The following KRI1 variants were observed in gnomAD, a reference collection of about 807,000 sequenced individuals.
The protein encoded by KRI1 is protein KRI1 homolog.
In KRI1, 83 loss-of-function variants were observed where a neutral mutation model predicts 97.0. That is an observed-to-expected ratio of 0.86 (90% confidence interval 0.72 to 1.03). The LOEUF (loss-of-function observed/expected upper bound fraction) is 1.03, where lower values mean the gene tolerates loss of function less well. Ranked by LOEUF, KRI1 falls within the 50% of genes least tolerant of loss-of-function variation. KRI1 has a pLI of 0.00. For synonymous variants in KRI1, 371 were observed against 363.5 expected, an observed-to-expected ratio of 1.02 and a Z score of -0.23; for missense variants, 916 against 928.4, an observed-to-expected ratio of 0.99 and a Z score of 0.17.
At chr19:10,565,401 G>A (rs1432550993) in intron 2 of KRI1, 4 of 515,536 alleles carry the variant, frequency 7.8e-6, no homozygotes, top group Non-Finnish European at 1.4e-5. Context: ...CGCCCCACGT[G>A]GCGCAAGGAG....
In KRI1 at chr19:10,553,886, T is replaced by C; in HGVS notation, c.*65A>G. 1.5e-6 allele frequency: 2 copies of C among 1,310,244 alleles called. No individual in the cohort carries two copies. The highest frequency in any genetic ancestry group is 2.1e-6 in the Non-Finnish European group (2 of 971,832). 81.2% of individuals were successfully genotyped at this position (1,310,244 alleles called of 1,614,324 possible). ...CTCTGCAGCAGATAGTACTTGTGGGTGCGAGACCTGTCCAGGGCTTGATTT... is the reference window on the plus strand; with the variant it reads ...CTCTGCAGCAGATAGTACTTGTGGGCGCGAGACCTGTCCAGGGCTTGATTT... On this transcript the variant is annotated 3_prime_UTR_variant, in exon 19 of 19. Coordinates refer to ENST00000312962, the MANE Select transcript of KRI1 (RefSeq NM_023008.5).
intron 2 of KRI1, 61 bp from the exon 3 acceptor site, chr19:10,565,095 C>T: frequency 8.9e-7 from 1 of 1,122,232 alleles, no homozygotes; most frequent in Non-Finnish European, 1.4e-6. Context: ...GCCCTGGCGC[C>T]AGCAGGTGAG....
Position 10,561,191 on chromosome 19 carries a change from C to A in KRI1, c.563G>T (p.Arg188Leu). The change falls in exon 7 of 19, where the codon CGT becomes CTT. Residue 188 changes from arginine (R) to leucine (L), a missense_variant. By Grantham distance (102) the Arg-to-Leu change is moderately radical. Transcript: ENST00000312962. Reference sequence around the variant, plus strand: ...CACCTTCTCCTGCCTGGTTTTGGCACGTTTCTGCAGCAAACTGGAGCCGCC... The same window carrying A: ...CACCTTCTCCTGCCTGGTTTTGGCAAGTTTCTGCAGCAAACTGGAGCCGCC... ...GEGGSSLLQK[R>L]AKTRQEKAQE... 6.2e-7 allele frequency: 1 copy of A among 1,614,116 alleles called. No individual in the cohort carries two copies. The highest frequency in any genetic ancestry group is 1.1e-5 in the South Asian group (1 of 91,080).
Position 10,565,057 on chromosome 19 carries a change from G to T in KRI1, c.169-23C>A, listed in dbSNP as rs766407586. On this transcript the variant is annotated intron_variant, in intron 2 of 18. Coordinates refer to ENST00000312962, the MANE Select transcript of KRI1 (RefSeq NM_023008.5). Reference sequence around the variant, plus strand: ...TTCCTAGGGCAGGAAAAGGGTTGGGGATAGATTTCAGAAGGGAGATAATAA... The same window carrying T: ...TTCCTAGGGCAGGAAAAGGGTTGGGTATAGATTTCAGAAGGGAGATAATAA... 5 of 1,501,250 alleles carry T rather than the reference G, an allele frequency of 3.3e-6. No homozygotes were observed. In the South Asian group the frequency reaches 4.5e-5, roughly 14 times the overall value. 93.0% of individuals were successfully genotyped at this position (1,501,250 alleles called of 1,614,324 possible).
chr19:10,558,225 G>A lies in KRI1; in HGVS notation c.1209C>T (p.Asp403=), dbSNP rs766794774. ...CCTCCTCCACGGCCCCGTAGTACTC[G>A]TCCCCAAAGCACTTCTGCAGGGTCA... is the stretch of plus-strand genomic sequence containing the variant. ...HDQLMQKCFG[D]EYYGAVEEEK... Residue 403 remains aspartate (D), a synonymous_variant, in exon 13 of 19, where the codon GAC becomes GAT. Coordinates refer to ENST00000312962, the MANE Select transcript of KRI1 (RefSeq NM_023008.5). 62 of 1,613,736 alleles carry A rather than the reference G, an allele frequency of 3.8e-5. No individual in the cohort carries two copies. Among genetic ancestry groups the A allele is most frequent in the Non-Finnish European group, 4.9e-5 (58 of 1,179,980 alleles).
At chr19:10,563,032 T>C (rs1324599024) in intron 3 of KRI1, among the ~76,000 whole-genome samples, 195 bp from the exon 4 acceptor site, 2 of 151,846 alleles carry the variant, frequency 1.3e-5, no homozygotes, top group African/African-American at 4.9e-5. Context: ...CCTGCTTTGA[T>C]TATTATTATT....
rs756544772 is a variant in KRI1 at position 10,554,119 on chromosome 19, C to T, written c.1944G>A (p.Lys648=). Residue 648 remains lysine, a synonymous_variant, in exon 19 of 19, where the codon AAG becomes AAA. Transcript: ENST00000312962. ...VSPHKKPAPQ[K]RRRAKKARLL... is the part of the protein sequence containing the mutation. ...GCCGTGCCTTCTTGGCCCTCCTCCGCTTCTGGGGGGCTGGCTTCTTGTGGG... is the reference window on the plus strand; with the variant it reads ...GCCGTGCCTTCTTGGCCCTCCTCCGTTTCTGGGGGGCTGGCTTCTTGTGGG... 5 of 1,614,192 alleles carry T rather than the reference C, an allele frequency of 3.1e-6. No individual in the cohort carries two copies. In the South Asian group the frequency reaches 5.5e-5, roughly 18 times the overall value.
In KRI1 at chr19:10,561,958, T is replaced by C. The variant is rs554894985; in HGVS notation, c.384-113A>G. On this transcript the variant is annotated intron_variant, in intron 4 of 18. Transcript: ENST00000312962. ...GCTGGCGGGGGTCATCGGAGGGCTA[T>C]GGAATCACTGAGACTCCTGCTCTCA... 2.0e-5 allele frequency: 17 copies of C among 870,312 alleles called. No homozygotes were observed. The East Asian group carries it at 3.6e-4, about 19-fold the overall frequency. The allele number at this position is 870,312 out of a possible 1,614,324, so 53.9% of individuals were successfully genotyped here.
intron 9 of KRI1, 139 bp downstream of exon 9, chr19:10,560,173 G>T: frequency 7.2e-7 from 1 of 1,394,786 alleles, no homozygotes; most frequent in Non-Finnish European, 9.5e-7. Flanking sequence ...CTGTGGCTCT[G>T]CCTTACAGAA....
rs925692572 is a variant in KRI1 at position 10,559,460 on chromosome 19, G to A, written c.1093C>T (p.Leu365=). ...CCTGTTACTTTCCGCAGCTTCTCCA[G>A]CTTGGCCAGAATCTCCTTCCTCTTC... ...NLKRKEILAK[L]EKLRKVTGNE... The change falls in exon 12 of 19, where the codon CTG becomes TTG. Residue 365 remains leucine, a synonymous_variant. Transcript: ENST00000312962. The A allele has an allele frequency of 6.2e-7, 1 of 1,614,064 alleles. No individual in the cohort carries two copies. The highest frequency in any genetic ancestry group is 8.5e-7 in the Non-Finnish European group (1 of 1,180,026).
chr19:10,558,998 C>T (rs1389899878), intron 12 of KRI1, among the ~76,000 whole-genome samples: 1 of 137,430 alleles, frequency 7.3e-6, no homozygotes, highest in African/African-American at 2.6e-5. Context: ...AGCCACTGCA[C>T]CCGGCCAGGT....
In KRI1 at chr19:10,553,681, T is replaced by G; in HGVS notation, c.*270A>C. The G allele has an allele frequency of 2.5e-6, 1 of 400,546 alleles. No homozygotes were observed. 24.8% of individuals were successfully genotyped at this position (400,546 alleles called of 1,614,324 possible). ...GCCTCAAACTCATGGCCTTAAGTGA[T>G]CTTCCTTCCCCAGCCTCCTGAGTAG... On this transcript the variant is annotated 3_prime_UTR_variant, in exon 19 of 19. Transcript: ENST00000312962.
At chr19:10,561,331 A>G (rs897555134) in intron 6 of KRI1, 66 bp from the exon 7 acceptor site, 4 of 1,446,060 alleles carry the variant, frequency 2.8e-6, no homozygotes, top group African/African-American at 1.4e-5. Flanking sequence ...CCCAGTATTT[A>G]TTTTATTTTG....
chr19:10,561,780 A>AC lies in KRI1; in HGVS notation c.438+10dup, dbSNP rs772501253. On this transcript the variant is annotated intron_variant, in intron 5 of 18. Transcript: ENST00000312962. ...CCCTCAGCCCCCCGACCCAGCCTTCACCCCACCCACCTGGAGTCTGTGATT... is the reference window on the plus strand; with the variant it reads ...CCCTCAGCCCCCCGACCCAGCCTTCACCCCCACCCACCTGGAGTCTGTGATT... The AC allele has an allele frequency of 3.0e-5, 48 of 1,612,876 alleles. No homozygotes were observed. The highest frequency in any genetic ancestry group is 3.7e-5 in the Non-Finnish European group (44 of 1,179,640).
chr19:10,565,611 G>T, intron 2 of KRI1, 106 bp downstream of exon 2: 4 of 1,400,322 alleles, frequency 2.9e-6, no homozygotes, highest in Non-Finnish European at 3.8e-6. Flanking sequence ...GGACGCTCCC[G>T]CAGGGCGCTC....
intron 7 of KRI1, 29 bp from the exon 8 acceptor site, chr19:10,561,109 C>A (rs370980847): frequency 1.4e-5 from 22 of 1,613,264 alleles, no homozygotes; most frequent in South Asian, 9.9e-5. Context: ...TGAGCATCCG[C>A]AGATGCCCAG....
chr19:10,565,506 G>A, intron 2 of KRI1: 2 of 617,804 alleles, frequency 3.2e-6, no homozygotes, highest in Non-Finnish European at 5.5e-6. Context: ...GGGCAGGTGG[G>A]GATCGTGGCA....
intron 12 of KRI1, among the ~76,000 whole-genome samples, chr19:10,559,009 CTT>C (rs34402779): frequency 4.0e-4 from 57 of 143,258 alleles, no homozygotes; most frequent in Admixed American, 4.9e-4. Context: ...CCGGCCAGGT[CTT>C]TTTTTTTTTT....
chr19:10,553,991 C>A lies in KRI1; in HGVS notation c.2072G>T (p.Arg691Leu). 1.2e-6 allele frequency: 2 copies of A among 1,612,188 alleles called. No homozygotes were observed. Among genetic ancestry groups the A allele is most frequent in the Non-Finnish European group, 1.7e-6 (2 of 1,178,960 alleles). ...GGGCCCCTGTTGTTTCCTCCGCTGCCGGCCCAGCTGGCGGAAGTGCAGCCG... is the reference window on the plus strand; with the variant it reads ...GGGCCCCTGTTGTTTCCTCCGCTGCAGGCCCAGCTGGCGGAAGTGCAGCCG... The part of the protein sequence containing the change: ...PKRLHFRQLG[R>L]QRRKQQGPKN... The change falls in exon 19 of 19, where the codon CGG becomes CTG. Residue 691 changes from arginine (R) to leucine (L), a missense_variant. This residue lies in a region of KRI1 where 672 missense variants were observed against 667.2 expected (regional missense o/e 1.01). Transcript: ENST00000312962.
Sources: gnomAD v4.1 joint callset for allele counts (sites outside exome capture counted in the v4.1 genomes callset) on GRCh38, gnomAD v4.1.1 for gene constraint, gnomAD v4.1.1 regional missense constraint, MANE v1.5 for transcripts, NCBI Gene and HGNC (gene_info 2026-07-23, HGNC 2026-07-21) for gene names.